GALNT11: variants seen among roughly 807,000 people sequenced by gnomAD.
GALNT11 encodes polypeptide N-acetylgalactosaminyltransferase 11.
GALNT11 carries 47 observed loss-of-function variants against 72.7 expected under a neutral mutation model. The ratio of observed to expected loss-of-function variants is 0.65; its 90% CI spans 0.51 to 0.82. The LOEUF is 0.82. GALNT11 is among the 40% of genes least tolerant of loss of function. GALNT11 has a pLI of 0.00. For synonymous variants in GALNT11, 270 were observed against 286.6 expected (o/e 0.94, Z 0.58); for missense variants, 677 against 778.4 (o/e 0.87, Z 1.55).
In GALNT11 at chr7:152,092,486, C is replaced by G. The variant is rs17173333; in HGVS notation, c.-38-1704C>G. 5.3e-3 allele frequency among the ~76,000 whole-genome samples: 808 copies of G among 152,246 alleles called. 8 individuals carry two copies. Among genetic ancestry groups the G allele is most frequent in the African/African-American group, 0.019 (778 of 41,538 alleles). Reference sequence around the variant, plus strand: ...ATTTCCAGCCATGCCTCTGGTATTACTGTTGGTGGGAGTTTTTGTTTGGTT... The same window carrying G: ...ATTTCCAGCCATGCCTCTGGTATTAGTGTTGGTGGGAGTTTTTGTTTGGTT... On this transcript the variant is annotated intron_variant, in intron 1 of 11. Transcript: ENST00000430044.
At chr7:152,060,014 T>A (rs933126171) in intron 1 of GALNT11, among the ~76,000 whole-genome samples, 6 of 152,246 alleles carry the variant, frequency 3.9e-5, no homozygotes, top group African/African-American at 1.4e-4. Context: ...TATTGTTTAG[T>A]GTAGCCATCC....
At chr7:152,102,497 G>A (rs749669652) in intron 3 of GALNT11, among the ~76,000 whole-genome samples, 5 of 151,948 alleles carry the variant, frequency 3.3e-5, no homozygotes, top group Admixed American at 1.3e-4. Flanking sequence ...AGCCGAGATC[G>A]CGCCACAGCA....
chr7:152,043,479 G>A (rs1426513073), intron 1 of GALNT11, among the ~76,000 whole-genome samples: 1 of 152,226 alleles, frequency 6.6e-6, no homozygotes, highest in Non-Finnish European at 1.5e-5. Flanking sequence ...GCCCCTCATG[G>A]CATTTCCCCA....
At chr7:152,056,946 C>T (rs992222463) in intron 1 of GALNT11, among the ~76,000 whole-genome samples, 3 of 151,624 alleles carry the variant, frequency 2.0e-5, no homozygotes, top group African/African-American at 7.3e-5. Flanking sequence ...TCAAGTGATC[C>T]TTCCACCTCA....
chr7:152,119,138 T>C (rs1209513062), intron 10 of GALNT11: 1 of 162,496 alleles, frequency 6.2e-6, no homozygotes. Flanking sequence ...GTTTACACCA[T>C]TATTTGTACT....
intron 1 of GALNT11, among the ~76,000 whole-genome samples, chr7:152,042,044 AT>A (rs1270337992): frequency 6.6e-6 from 1 of 152,168 alleles, no homozygotes; most frequent in African/African-American, 2.4e-5. Flanking sequence ...TAACACTGAA[AT>A]TTTTTTATGA....
chr7:152,074,797 T>C (rs186312884), intron 1 of GALNT11, among the ~76,000 whole-genome samples: 16 of 152,322 alleles, frequency 1.1e-4, no homozygotes, highest in East Asian at 3.9e-4. Context: ...TCCCCTGTTA[T>C]CTATTCCTGC....
chr7:152,032,701 A>C (rs890800313), intron 1 of GALNT11, among the ~76,000 whole-genome samples: 2 of 152,144 alleles, frequency 1.3e-5, no homozygotes, highest in African/African-American at 4.8e-5. Flanking sequence ...TTGCCCTTCC[A>C]AATTGTCCTT....
chr7:152,056,163 C>T (rs896440778), intron 1 of GALNT11, among the ~76,000 whole-genome samples: 2 of 152,158 alleles, frequency 1.3e-5, no homozygotes, highest in Non-Finnish European at 2.9e-5. Context: ...TCACATTTAT[C>T]GGTAGTTTGG....
chr7:152,121,076 C>A (rs1460362332), intron 11 of GALNT11, 108 bp downstream of exon 11: 2 of 1,361,696 alleles, frequency 1.5e-6, no homozygotes, highest in Non-Finnish European at 2.0e-6. Context: ...TCTTCTCAGT[C>A]TGCAGTACAG....
chr7:152,120,642 A>G, intron 10 of GALNT11, 189 bp from the exon 11 acceptor site: 1 of 565,650 alleles, frequency 1.8e-6, no homozygotes, highest in Non-Finnish European at 3.1e-6. Context: ...CCAGAATAGC[A>G]CCTCACTTTC....
intron 2 of GALNT11, among the ~76,000 whole-genome samples, chr7:152,099,947 ATTTTTTT>A (rs768708954): frequency 2.0e-4 from 23 of 114,474 alleles, no homozygotes; most frequent in South Asian, 2.9e-4. Context: ...CACCTGGCTA[ATTTTTTT>A]TTTTTTTTTT....
intron 9 of GALNT11, chr7:152,118,179 A>C (rs76004121): frequency 0.023 from 3,624 of 160,420 alleles, 153 homozygotes; most frequent in African/African-American, 0.084. Flanking sequence ...TTCTCTAAGT[A>C]GGAGAGAGCA....
intron 1 of GALNT11, among the ~76,000 whole-genome samples, chr7:152,055,641 A>G (rs1433634342): frequency 6.6e-6 from 1 of 151,590 alleles, no homozygotes; most frequent in Non-Finnish European, 1.5e-5. Flanking sequence ...TACTTTTTAA[A>G]TTAAATATTT....
chr7:152,066,241 CAT>C (rs1276602277), intron 1 of GALNT11, among the ~76,000 whole-genome samples: 1 of 151,262 alleles, frequency 6.6e-6, no homozygotes, highest in African/African-American at 2.4e-5. Flanking sequence ...CCGAGCCAGG[CAT>C]GGGATGTAAT....
intron 1 of GALNT11, among the ~76,000 whole-genome samples, chr7:152,048,005 G>A (rs762795773): frequency 1.3e-5 from 2 of 151,774 alleles, no homozygotes; most frequent in Non-Finnish European, 2.9e-5. Flanking sequence ...ACTGAGTTTT[G>A]TACCTTCAGA....
intron 2 of GALNT11, among the ~76,000 whole-genome samples, chr7:152,100,091 T>C (rs1257959402): frequency 6.6e-6 from 1 of 151,788 alleles, no homozygotes; most frequent in Non-Finnish European, 1.5e-5. Flanking sequence ...GGAAGCTCTT[T>C]TTATGGAAAA....
At chr7:152,040,344 T>A (rs2082795480) in intron 1 of GALNT11, among the ~76,000 whole-genome samples, 1 of 152,088 alleles carries the variant, frequency 6.6e-6, no homozygotes, top group African/African-American at 2.4e-5. Flanking sequence ...AGGTTCCAGT[T>A]CTCGAGAATT....
intron 8 of GALNT11, 21 bp downstream of exon 8, chr7:152,113,419 T>G (rs773286773): frequency 2.5e-6 from 4 of 1,612,128 alleles, no homozygotes; most frequent in Admixed American, 3.3e-5. Flanking sequence ...ATTTCTTGTT[T>G]AGAAGGATGA....
Sources: allele counts gnomAD v4.1 joint callset (sites outside exome capture counted in the v4.1 genomes callset), GRCh38; gene constraint gnomAD v4.1.1; transcripts MANE v1.5; gene names NCBI Gene and HGNC (gene_info 2026-07-23, HGNC 2026-07-21).